PDSS2: variants seen among roughly 807,000 people sequenced by gnomAD.
PDSS2 encodes the protein decaprenyl diphosphate synthase subunit 2, also known as all trans-polyprenyl-diphosphate synthase PDSS2.
In PDSS2, 31 loss-of-function variants were observed where a neutral mutation model predicts 44.5. The ratio of observed to expected loss-of-function variants is 0.70; its 90% CI spans 0.52 to 0.94. The LOEUF (loss-of-function observed/expected upper bound fraction) is 0.94, where lower values mean the gene tolerates loss of function less well. PDSS2 is among the 40% of genes least tolerant of loss of function. The probability of loss-of-function intolerance (pLI) is 0.00; values close to 1 mark genes in which losing one functional copy is unlikely to be tolerated. For synonymous variants in PDSS2, 157 were observed against 180.3 expected (o/e 0.87, Z 1.03); for missense variants, 452 against 482.2 (o/e 0.94, Z 0.59).
chr6:107,302,349 C>G (rs1582914139), intron 2 of PDSS2, among the ~76,000 whole-genome samples: 1 of 151,680 alleles, frequency 6.6e-6, no homozygotes, highest in Non-Finnish European at 1.5e-5. Flanking sequence ...TCATAGCCTA[C>G]TGCAGCCTCA....
At chr6:107,207,089 T>G (rs926173500) in intron 6 of PDSS2, among the ~76,000 whole-genome samples, 16 of 151,692 alleles carry the variant, frequency 1.1e-4, no homozygotes, top group Admixed American at 9.9e-4. Context: ...GCTTCCTGGG[T>G]TCAAGTGATT....
At chr6:107,213,312 A>T (rs867424602) in intron 4 of PDSS2, among the ~76,000 whole-genome samples, 2 of 144,164 alleles carry the variant, frequency 1.4e-5, no homozygotes, top group African/African-American at 5.1e-5. Flanking sequence ...CACCCAGATA[A>T]TTTTTTTTTT....
intron 1 of PDSS2, among the ~76,000 whole-genome samples, chr6:107,447,852 A>T (rs573576462): frequency 1.3e-5 from 2 of 152,378 alleles, no homozygotes; most frequent in Non-Finnish European, 2.9e-5. Context: ...CCACCTCTGC[A>T]GCAGACTTCT....
intron 1 of PDSS2, among the ~76,000 whole-genome samples, chr6:107,342,877 C>T (rs530180940): frequency 6.6e-6 from 1 of 152,164 alleles, no homozygotes. Flanking sequence ...GCTCAAAATA[C>T]CCCAAAGTAA....
In PDSS2 at chr6:107,305,695, G is replaced by A. The variant is rs145432483; in HGVS notation, c.431+28503C>T. On this transcript the variant is annotated intron_variant, in intron 2 of 7. Transcript: ENST00000369037. The stretch of plus-strand genomic sequence containing the variant: ...CTAATTACACCAATTATTTAGAGGT[G>A]TGGACAGATAACTAATGTCTTCTTT... 2.2e-4 allele frequency among the ~76,000 whole-genome samples: 34 copies of A among 152,348 alleles called. No individual in the cohort carries two copies. In the East Asian group the frequency reaches 4.4e-3, roughly 20 times the overall value.
chr6:107,429,141 T>C (rs1392341318), intron 1 of PDSS2, among the ~76,000 whole-genome samples: 1 of 152,126 alleles, frequency 6.6e-6, no homozygotes, highest in Non-Finnish European at 1.5e-5. Flanking sequence ...AGGGAATGCT[T>C]AGCAAAAGAG....
At chr6:107,424,526 T>C (rs958660864) in intron 1 of PDSS2, among the ~76,000 whole-genome samples, 7 of 151,786 alleles carry the variant, frequency 4.6e-5, no homozygotes, top group Non-Finnish European at 1.0e-4. Flanking sequence ...TTGATACTAA[T>C]TTTTTTTTCA....
intron 1 of PDSS2, among the ~76,000 whole-genome samples, chr6:107,364,421 G>A (rs1423240063): frequency 1.3e-4 from 20 of 152,282 alleles, no homozygotes; most frequent in African/African-American, 4.1e-4. Flanking sequence ...GCGAGAAATC[G>A]AGCACAGCGC....
intron 1 of PDSS2, among the ~76,000 whole-genome samples, chr6:107,385,134 G>A (rs1197557157): frequency 6.6e-6 from 1 of 152,138 alleles, no homozygotes; most frequent in Non-Finnish European, 1.5e-5. Context: ...TCTTTGGCCA[G>A]TTTCTTTAGG....
rs1165768519 is a variant in PDSS2 at position 107,154,216 on chromosome 6, G to C, written c.*403C>G. On this transcript the variant is annotated 3_prime_UTR_variant, in exon 8 of 8. Transcript: ENST00000369037. ...GACAATCCTCCCTGGTTGGTATTGA[G>C]AGCATTTCTCTTGACACCTGCAGCT... 1.1e-5 allele frequency: 3 copies of C among 263,644 alleles called. No individual in the cohort carries two copies. The highest frequency in any genetic ancestry group is 2.2e-5 in the Non-Finnish European group (3 of 135,942). The allele number at this position is 263,644 out of a possible 1,614,324, so 16.3% of individuals were successfully genotyped here.
intron 3 of PDSS2, among the ~76,000 whole-genome samples, chr6:107,258,610 A>G (rs1300151406): frequency 6.6e-6 from 1 of 152,098 alleles, no homozygotes; most frequent in Non-Finnish European, 1.5e-5. Flanking sequence ...AAGACCAGCC[A>G]TAGCCAACAT....
intron 1 of PDSS2, among the ~76,000 whole-genome samples, chr6:107,389,308 T>C (rs975647698): frequency 3.9e-5 from 6 of 152,172 alleles, no homozygotes. Context: ...TATAAATGTA[T>C]GACATAATAT....
At chr6:107,189,332 A>G (rs752862821) in intron 7 of PDSS2, among the ~76,000 whole-genome samples, 1 of 151,578 alleles carries the variant, frequency 6.6e-6, no homozygotes, top group Non-Finnish European at 1.5e-5. Flanking sequence ...ACCCAGACAT[A>G]TATTTTTTTT....
At chr6:107,171,677 AT>A (rs782676169) in intron 7 of PDSS2, among the ~76,000 whole-genome samples, 1 of 151,982 alleles carries the variant, frequency 6.6e-6, no homozygotes, top group Non-Finnish European at 1.5e-5. Flanking sequence ...TGCCTGGCTA[AT>A]TTATTTATTT....
At chr6:107,220,893 T>C (rs1368098557) in intron 4 of PDSS2, among the ~76,000 whole-genome samples, 2 of 152,160 alleles carry the variant, frequency 1.3e-5, no homozygotes, top group African/African-American at 4.8e-5. Context: ...GTGTATATAC[T>C]AAGAGAGCAT....
intron 7 of PDSS2, among the ~76,000 whole-genome samples, chr6:107,177,827 G>A (rs1771846657): frequency 6.6e-6 from 1 of 152,124 alleles, no homozygotes; most frequent in African/African-American, 2.4e-5. Context: ...TCAATAAATA[G>A]TAAGCTCTGT....
chr6:107,295,544 C>T lies in PDSS2; in HGVS notation c.432-21317G>A, dbSNP rs181896976. Among the ~76,000 whole-genome samples, 3 of 152,192 alleles carry T rather than the reference C, an allele frequency of 2.0e-5. No individual in the cohort carries two copies. In the East Asian group the frequency reaches 5.8e-4, roughly 29 times the overall value. On this transcript the variant is annotated intron_variant, in intron 2 of 7. Coordinates refer to ENST00000369037, the MANE Select transcript of PDSS2 (RefSeq NM_020381.4). Reference sequence around the variant, plus strand: ...TTTATATAGACTGTTTCATGTAATACCTCCAACAACCTGATAAAGAGAGAA... The same window carrying T: ...TTTATATAGACTGTTTCATGTAATATCTCCAACAACCTGATAAAGAGAGAA...
Position 107,376,165 on chromosome 6 carries a change from C to A in PDSS2, c.297-41833G>T, listed in dbSNP as rs572904509. On this transcript the variant is annotated intron_variant, in intron 1 of 7. Coordinates refer to ENST00000369037, the MANE Select transcript of PDSS2 (RefSeq NM_020381.4). Reference sequence around the variant, plus strand: ...TACCATGCTGTTTTGGTTACTGTAACCTTGTAGTATAGTTTGAAGTCAGGT... The same window carrying A: ...TACCATGCTGTTTTGGTTACTGTAAACTTGTAGTATAGTTTGAAGTCAGGT... 1.1e-4 allele frequency among the ~76,000 whole-genome samples: 17 copies of A among 152,142 alleles called. No individual in the cohort carries two copies. In the East Asian group the frequency reaches 3.3e-3, roughly 29 times the overall value.
At chr6:107,255,351 C>T (rs775747253) in intron 3 of PDSS2, among the ~76,000 whole-genome samples, 8 of 151,792 alleles carry the variant, frequency 5.3e-5, no homozygotes, top group African/African-American at 7.3e-5. Flanking sequence ...TGCTACCACG[C>T]CTGGCTAATT....
Sources: gnomAD v4.1 joint callset for allele counts (sites outside exome capture counted in the v4.1 genomes callset) on GRCh38, gnomAD v4.1.1 for gene constraint, MANE v1.5 for transcripts, NCBI Gene and HGNC (gene_info 2026-07-23, HGNC 2026-07-21) for gene names.